Variants in CLYBL observed in about 807,000 individuals in gnomAD.
The protein encoded by CLYBL is citramalyl-CoA lyase.
CLYBL carries 31 observed loss-of-function variants against 38.9 expected under a neutral mutation model. That is an observed-to-expected ratio of 0.80 (90% CI 0.60 to 1.08). The LOEUF (loss-of-function observed/expected upper bound fraction) is 1.08. CLYBL is among the 50% of genes least tolerant of loss of function. The pLI, the probability that CLYBL is intolerant of heterozygous loss-of-function variation, is 0.00. For synonymous variants in CLYBL, 171 were observed against 158.6 expected, an observed-to-expected ratio of 1.08 and a Z score of -0.59; for missense variants, 434 against 411.6, an observed-to-expected ratio of 1.05 and a Z score of -0.47.
chr13:99,811,747 A>G (rs2050346615), intron 2 of CLYBL, among the ~76,000 whole-genome samples: 1 of 131,170 alleles, frequency 7.6e-6, no homozygotes, highest in Non-Finnish European at 1.6e-5. Context: ...TTTATGAAAA[A>G]TCCACGAAAC....
chr13:99,886,270 A>C (rs930392289), intron 7 of CLYBL, among the ~76,000 whole-genome samples: 5 of 152,242 alleles, frequency 3.3e-5, no homozygotes, highest in African/African-American at 1.2e-4. Context: ...TTACTCTTTT[A>C]GGACTATGGA....
intron 1 of CLYBL, among the ~76,000 whole-genome samples, chr13:99,647,652 G>T (rs1026811304): frequency 1.3e-5 from 2 of 152,194 alleles, no homozygotes; most frequent in African/African-American, 2.4e-5. Context: ...TTCCACTCGA[G>T]TGTTTTTCCA....
Position 99,902,697 on chromosome 13 carries a change from A to G in CLYBL, c.*25-2573A>G, listed in dbSNP as rs116777828. On this transcript the variant is annotated intron_variant and NMD_transcript_variant, in intron 8 of 9. Coordinates refer to the CLYBL transcript ENST00000689673. The stretch of plus-strand genomic sequence containing the variant: ...TTTTCTTTCAACAAAACGAAGACCT[A>G]AGAACCCCTTTAAGAAATGTTATCC... Among the ~76,000 whole-genome samples, 576 of 152,356 alleles carry G rather than the reference A, an allele frequency of 3.8e-3. 4 individuals are homozygous for G. The highest frequency in any genetic ancestry group is 0.013 in the African/African-American group (523 of 41,570).
intron 2 of CLYBL, among the ~76,000 whole-genome samples, chr13:99,831,359 C>G (rs1009511823): frequency 1.3e-5 from 2 of 152,092 alleles, no homozygotes; most frequent in African/African-American, 4.8e-5. Flanking sequence ...TCCTAATTAA[C>G]ATCATGGTTG....
intron 2 of CLYBL, among the ~76,000 whole-genome samples, chr13:99,805,542 T>G (rs2050215397): frequency 6.6e-6 from 1 of 151,132 alleles, no homozygotes; most frequent in South Asian, 2.1e-4. Context: ...GCCCGGTTGC[T>G]CCCACGCCCT....
rs181363740 is a variant in CLYBL, at chr13:99,674,244, C to G, written c.62+67487C>G. ...TTGGCTCACCGCAACCTCCGCCTCG[C>G]AGGTTCAAGCGATTCTCCTGCCTTA... On this transcript the variant is annotated intron_variant, in intron 1 of 8. Transcript: ENST00000339105. Among the ~76,000 whole-genome samples, 3 of 147,174 alleles carry G rather than the reference C, an allele frequency of 2.0e-5. No homozygotes were observed. In the Admixed American group the frequency reaches 2.1e-4, roughly 10 times the overall value.
intron 2 of CLYBL, among the ~76,000 whole-genome samples, chr13:99,781,921 G>A (rs1475705332): frequency 2.0e-5 from 3 of 152,238 alleles, no homozygotes; most frequent in African/African-American, 4.8e-5. Context: ...CTTCTGGACA[G>A]CTCAAGAACC....
At chr13:99,681,801 G>T (rs2047738632) in intron 1 of CLYBL, among the ~76,000 whole-genome samples, 1 of 152,028 alleles carries the variant, frequency 6.6e-6, no homozygotes, top group South Asian at 2.1e-4. Flanking sequence ...GGCCAGGCTG[G>T]TCTCAAATTC....
At chr13:99,707,357 C>T (rs948191850) in intron 1 of CLYBL, among the ~76,000 whole-genome samples, 5 of 152,062 alleles carry the variant, frequency 3.3e-5, no homozygotes, top group African/African-American at 1.2e-4. Context: ...GCAACCTCCG[C>T]CTCCCGGGTT....
At chr13:99,906,518 G>A (rs1489191399) in intron 9 of CLYBL, among the ~76,000 whole-genome samples, 2 of 151,858 alleles carry the variant, frequency 1.3e-5, no homozygotes, top group African/African-American at 4.8e-5. Flanking sequence ...CCGCCTCCCG[G>A]GTTCAAGCAA....
chr13:99,716,773 A>ATTTCT (rs777995598), intron 1 of CLYBL, among the ~76,000 whole-genome samples: 67 of 130,116 alleles, frequency 5.1e-4, no homozygotes, highest in African/African-American at 1.7e-3. Context: ...TCTTACTTTA[A>ATTTCT]TTTCTTTTCT....
At chr13:99,752,677 C>G (rs2048979627) in intron 1 of CLYBL, among the ~76,000 whole-genome samples, 2 of 152,056 alleles carry the variant, frequency 1.3e-5, no homozygotes, top group African/African-American at 4.8e-5. Flanking sequence ...TGGGCACTTG[C>G]TGGGGGCACC....
chr13:99,873,412 C>T (rs190807039), intron 7 of CLYBL, among the ~76,000 whole-genome samples: 16 of 152,248 alleles, frequency 1.1e-4, no homozygotes, highest in East Asian at 3.9e-4. Context: ...CTGATGAACA[C>T]GTGAACCCTC....
intron 1 of CLYBL, among the ~76,000 whole-genome samples, chr13:99,757,472 C>A (rs940940961): frequency 6.6e-6 from 1 of 151,900 alleles, no homozygotes; most frequent in Non-Finnish European, 1.5e-5. Flanking sequence ...TTATTTATTT[C>A]GAGATGGAGT....
chr13:99,839,560 G>A (rs888672525), intron 2 of CLYBL, among the ~76,000 whole-genome samples: 10 of 152,138 alleles, frequency 6.6e-5, no homozygotes, highest in Admixed American at 2.6e-4. Flanking sequence ...ATACGAATCT[G>A]ACAGACATGA....
intron 2 of CLYBL, among the ~76,000 whole-genome samples, chr13:99,833,014 ATATATATATATATATATTTTTTTTT>A (rs2050843737): frequency 3.2e-5 from 1 of 31,392 alleles, no homozygotes; most frequent in African/African-American, 1.2e-4. Context: ...ATACATATAT[ATATATATATATATATATTTTTTTTT>A]TTTTTTTTTT....
At chr13:99,752,954 G>A (rs1378310172) in intron 1 of CLYBL, among the ~76,000 whole-genome samples, 1 of 152,148 alleles carries the variant, frequency 6.6e-6, no homozygotes, top group African/African-American at 2.4e-5. Flanking sequence ...ATTTCAAAAG[G>A]GGAAGGCCTG....
intron 7 of CLYBL, among the ~76,000 whole-genome samples, chr13:99,888,648 G>C (rs1033200622): frequency 6.6e-6 from 1 of 152,158 alleles, no homozygotes; most frequent in Non-Finnish European, 1.5e-5. Flanking sequence ...AGCTAGTTGG[G>C]AGGCTGAGGC....
chr13:99,702,804 C>T (rs2048089064), intron 1 of CLYBL, among the ~76,000 whole-genome samples: 1 of 152,196 alleles, frequency 6.6e-6, no homozygotes, highest in Non-Finnish European at 1.5e-5. Flanking sequence ...ATCTCCTTTA[C>T]TGTGGTCACC....
Sources: gnomAD v4.1 joint callset for allele counts (sites outside exome capture counted in the v4.1 genomes callset) on GRCh38, gnomAD v4.1.1 for gene constraint, MANE v1.5 for transcripts, NCBI Gene and HGNC (gene_info 2026-07-23, HGNC 2026-07-21) for gene names.